The following SMAD5 variants were observed in gnomAD, a reference collection of about 807,000 sequenced individuals.
The protein encoded by SMAD5 is MAD, mothers against decapentaplegic homolog 5.
SMAD5 carries 9 observed loss-of-function variants against 43.1 expected under a neutral mutation model. The ratio of observed to expected loss-of-function variants is 0.21; its 90% confidence interval spans 0.13 to 0.36. The LOEUF is 0.36. SMAD5 is among the 10% of genes least tolerant of loss of function. The pLI is 1.00. For missense variants in SMAD5, 348 were observed against 574.0 expected (o/e 0.61, Z 4.02); for synonymous variants, 190 against 192.4 (o/e 0.99, Z 0.10).
At chr5:136,134,744 T>G (rs1408904662) in intron 1 of SMAD5, 2 of 152,246 alleles carry the variant, frequency 1.3e-5, no homozygotes, top group Non-Finnish European at 2.9e-5. Context: ...TGATTATTTG[T>G]GTGATTGTTC....
chr5:136,158,586 A>G lies in SMAD5; in HGVS notation c.404-2270A>G, dbSNP rs569628980. Reference sequence around the variant, plus strand: ...TTGTAGGAGACTTGAGCAGTAACCAATATAGGTTGGAACCAAAAGTTGGAA... The same window carrying G: ...TTGTAGGAGACTTGAGCAGTAACCAGTATAGGTTGGAACCAAAAGTTGGAA... On this transcript the variant is annotated intron_variant, in intron 3 of 7. Transcript: ENST00000545279. Among the ~76,000 whole-genome samples the G allele has an allele frequency of 3.3e-5, 5 of 152,314 alleles. 1 individual carries two copies. Among genetic ancestry groups the G allele is most frequent in the Middle Eastern group, 6.8e-3 (2 of 294 alleles).
At chr5:136,169,747 A>C (rs1754148226) in intron 5 of SMAD5, among the ~76,000 whole-genome samples, 1 of 152,228 alleles carries the variant, frequency 6.6e-6, no homozygotes. Context: ...TATGAATGAG[A>C]ATTCCTGATG....
At position 136,142,406 on chromosome 5, in the gene SMAD5, G is replaced by A. The variant is rs190631379; in HGVS notation, c.-244-5426G>A. Among the ~76,000 whole-genome samples, 115 of 152,188 alleles carry A rather than the reference G, an allele frequency of 7.6e-4. 1 individual carries two copies. The highest frequency in any genetic ancestry group is 2.7e-3 in the African/African-American group (113 of 41,518). On this transcript the variant is annotated intron_variant, in intron 1 of 7. Transcript: ENST00000545279. ...GTAATTTTATAAGGTTTTCATTTAT[G>A]GCTGAGGTACCACTGCATCTCTTTT...
At chr5:136,165,662 ATTTTTTTTTTTTTTTTTTTTTT>A (rs58156387) in intron 5 of SMAD5, among the ~76,000 whole-genome samples, 3 of 65,456 alleles carry the variant, frequency 4.6e-5, no homozygotes, top group Non-Finnish European at 6.0e-5. Flanking sequence ...GAATCATACA[ATTTTTTTTTTTTTTTTTTTTTT>A]TTTTTTTTTT....
chr5:136,167,480 T>C (rs1055548712), intron 5 of SMAD5, among the ~76,000 whole-genome samples: 1 of 152,126 alleles, frequency 6.6e-6, no homozygotes, highest in African/African-American at 2.4e-5. Context: ...TAAACTATTC[T>C]ATTAAAAAAA....
intron 4 of SMAD5, 132 bp downstream of exon 4, chr5:136,161,239 G>T: frequency 2.5e-6 from 2 of 794,048 alleles, no homozygotes; most frequent in Non-Finnish European, 3.9e-6. Context: ...TATTCTTTAG[G>T]TAATTGTTTG....
At chr5:136,154,218 C>G (rs1281177988) in intron 3 of SMAD5, 55 bp downstream of exon 3, 3 of 1,089,874 alleles carry the variant, frequency 2.8e-6, no homozygotes, top group Non-Finnish European at 1.3e-6. Flanking sequence ...AACCTCTCTT[C>G]CTGATATGCA....
At position 136,177,763 on chromosome 5, in the gene SMAD5, A is replaced by G; in HGVS notation, c.*283A>G. On this transcript the variant is annotated 3_prime_UTR_variant, in exon 8 of 8. Coordinates refer to ENST00000545279, the MANE Select transcript of SMAD5 (RefSeq NM_005903.7). ...TTAAACTGGAACATGCTTTTACTTT[A>G]TTGCCCTAACAATTTTTTATTAAAT... The G allele has an allele frequency of 3.5e-6, 1 of 285,002 alleles. No homozygotes were observed. The highest frequency in any genetic ancestry group is 6.5e-6 in the Non-Finnish European group (1 of 153,948). 17.7% of individuals were successfully genotyped at this position (285,002 alleles called of 1,614,324 possible).
At chr5:136,167,314 C>G (rs1754052604) in intron 5 of SMAD5, among the ~76,000 whole-genome samples, 1 of 152,056 alleles carries the variant, frequency 6.6e-6, no homozygotes, top group Non-Finnish European at 1.5e-5. Flanking sequence ...AAAATCTGAG[C>G]TCTTAAGACT....
At chr5:136,170,780 A>G (rs1754191568) in intron 5 of SMAD5, among the ~76,000 whole-genome samples, 1 of 152,070 alleles carries the variant, frequency 6.6e-6, no homozygotes, top group South Asian at 2.1e-4. Flanking sequence ...CTCATAGAGC[A>G]TGTTCCTATT....
At chr5:136,142,851 A>G (rs1753129140) in intron 1 of SMAD5, among the ~76,000 whole-genome samples, 1 of 151,938 alleles carries the variant, frequency 6.6e-6, no homozygotes, top group Admixed American at 6.6e-5. Flanking sequence ...GGCATATGAA[A>G]CTCTTTATAG....
At chr5:136,136,065 T>C (rs910770820) in intron 1 of SMAD5, among the ~76,000 whole-genome samples, 1 of 152,182 alleles carries the variant, frequency 6.6e-6, no homozygotes, top group African/African-American at 2.4e-5. Context: ...AAAGAATACC[T>C]GGATATTCTA....
chr5:136,154,308 G>T, intron 3 of SMAD5, 145 bp downstream of exon 3: 1 of 575,180 alleles, frequency 1.7e-6, no homozygotes, highest in Non-Finnish European at 2.8e-6. Context: ...AAGGGCTATT[G>T]GATTTTGAGT....
intron 3 of SMAD5, 146 bp downstream of exon 3, chr5:136,154,309 G>C: frequency 1.7e-6 from 1 of 574,168 alleles, no homozygotes; most frequent in Non-Finnish European, 2.8e-6. Context: ...AGGGCTATTG[G>C]ATTTTGAGTT....
At position 136,163,280 on chromosome 5, in the gene SMAD5, C is replaced by A; in HGVS notation, c.664C>A (p.Pro222Thr). Residue 222 changes from proline to threonine, a missense_variant, in exon 5 of 8, where the codon CCT becomes ACT. This residue lies in a region of SMAD5 where 185 missense variants were observed against 207.0 expected (regional missense o/e 0.89). Transcript: ENST00000545279. ...ATTTTTTTTCCTCTTAGCTGATACG[C>A]CTCCTCCTGCCTATATGCCACCTGA... ...GSPFQLPADT[P>T]PPAYMPPDDQ... 6.2e-7 allele frequency: 1 copy of A among 1,606,704 alleles called. No individual in the cohort carries two copies. Among genetic ancestry groups the A allele is most frequent in the Non-Finnish European group, 8.5e-7 (1 of 1,176,470 alleles).
chr5:136,141,940 TTTA>T (rs200175286), intron 1 of SMAD5, among the ~76,000 whole-genome samples: 2,011 of 152,326 alleles, frequency 0.013, 42 homozygotes, highest in African/African-American at 0.046. Context: ...ATAGCTGCAC[TTTA>T]ATTTTGAAAC....
At chr5:136,156,072 G>C (rs1188659795) in intron 3 of SMAD5, among the ~76,000 whole-genome samples, 1 of 152,140 alleles carries the variant, frequency 6.6e-6, no homozygotes, top group Non-Finnish European at 1.5e-5. Context: ...TCAAGGTGTT[G>C]GTTAGGGCCA....
chr5:136,162,364 G>A (rs1264788914), intron 4 of SMAD5, among the ~76,000 whole-genome samples: 2 of 152,154 alleles, frequency 1.3e-5, no homozygotes, highest in African/African-American at 2.4e-5. Flanking sequence ...AAATGATGCT[G>A]AACAAAACAC....
rs1754571014 is a variant in SMAD5 at position 136,180,038 on chromosome 5, G to A, written c.*2558G>A. 12 of 152,260 alleles carry A rather than the reference G, an allele frequency of 7.9e-5. No individual in the cohort carries two copies. The highest frequency in any genetic ancestry group is 6.5e-4 in the Admixed American group (10 of 15,292). The allele number at this position is 152,260 out of a possible 1,614,324, so 9.4% of individuals were successfully genotyped here. A position where few individuals can be genotyped will look rare whatever the true frequency, so the allele number is the denominator to read the frequency against. On this transcript the variant is annotated 3_prime_UTR_variant, in exon 8 of 8. Transcript: ENST00000545279. ...GTGTCTCATGAATGACAGTACTAAA[G>A]CTATTAACAACTAAGAGTTTGACAG...
Sources: gnomAD v4.1 joint callset for allele counts (sites outside exome capture counted in the v4.1 genomes callset) on GRCh38, gnomAD v4.1.1 for gene constraint, gnomAD v4.1.1 regional missense constraint, MANE v1.5 for transcripts, NCBI Gene and HGNC (gene_info 2026-07-23, HGNC 2026-07-21) for gene names.